Variants in ATP8B4 observed in about 807,000 individuals in gnomAD.
The protein encoded by ATP8B4 is ATPase phospholipid transporting 8B4 (putative), also known as probable phospholipid-transporting ATPase IM.
A neutral mutation model predicts 145.6 loss-of-function variants in ATP8B4; 133 were observed. That is an observed-to-expected ratio of 0.91 (90% CI 0.79 to 1.05). ATP8B4 has a LOEUF of 1.05. Ranked by LOEUF, ATP8B4 falls within the 50% of genes least tolerant of loss-of-function variation. The probability of loss-of-function intolerance (pLI) is 0.00; values close to 1 mark genes in which losing one functional copy is unlikely to be tolerated. For missense variants in ATP8B4, 1,458 were observed against 1,425.2 expected (o/e 1.02, Z -0.37); for synonymous variants, 507 against 492.9 (o/e 1.03, Z -0.38).
At chr15:49,911,734 C>T (rs2039252568) in intron 20 of ATP8B4, among the ~76,000 whole-genome samples, 1 of 152,138 alleles carries the variant, frequency 6.6e-6, no homozygotes, top group African/African-American at 2.4e-5. Context: ...GCAGAATACA[C>T]ATTCTTCTCA....
intron 5 of ATP8B4, 34 bp from the exon 6 acceptor site, chr15:50,038,863 T>A (rs377239655): frequency 1.9e-6 from 3 of 1,582,568 alleles, no homozygotes; most frequent in Non-Finnish European, 2.6e-6. Context: ...GAAAACACAT[T>A]ACAAGGTACT....
chr15:50,142,772 T>C (rs2044229298), intron 1 of ATP8B4, among the ~76,000 whole-genome samples: 1 of 152,156 alleles, frequency 6.6e-6, no homozygotes, highest in African/African-American at 2.4e-5. Context: ...GCATAGATCT[T>C]AACATTCAAT....
chr15:50,101,851 A>G (rs1377508174), intron 2 of ATP8B4, among the ~76,000 whole-genome samples: 1 of 152,190 alleles, frequency 6.6e-6, no homozygotes, highest in Non-Finnish European at 1.5e-5. Flanking sequence ...CCACAAAACA[A>G]GTCTCAACAA....
intron 15 of ATP8B4, among the ~76,000 whole-genome samples, chr15:49,931,896 A>G (rs189087663): frequency 4.8e-4 from 73 of 152,028 alleles, no homozygotes; most frequent in Admixed American, 1.4e-3. Context: ...AAACCAGGAT[A>G]TTAATACTTG....
In ATP8B4 at chr15:50,135,911, G is replaced by A. The variant is rs561736240; in HGVS notation, c.-42-28903C>T. Among the ~76,000 whole-genome samples, 7 of 152,276 alleles carry A rather than the reference G, an allele frequency of 4.6e-5. No individual in the cohort carries two copies. In the South Asian group the frequency reaches 1.2e-3, roughly 27 times the overall value. On this transcript the variant is annotated intron_variant, in intron 1 of 3. Transcript: ENST00000558829. ...ACTCATATCTCCCCAAAATTAAACT[G>A]AACGGTCCTCTGACGTTTAATAATT...
At chr15:49,887,576 CA>C (rs1453090674) in intron 23 of ATP8B4, among the ~76,000 whole-genome samples, 1 of 151,920 alleles carries the variant, frequency 6.6e-6, no homozygotes, top group Non-Finnish European at 1.5e-5. Flanking sequence ...TCCCTATCTC[CA>C]ATACTCTGAA....
At chr15:50,056,774 T>C (rs958597658) in intron 3 of ATP8B4, among the ~76,000 whole-genome samples, 1 of 151,764 alleles carries the variant, frequency 6.6e-6, no homozygotes, top group African/African-American at 2.4e-5. Flanking sequence ...ATATTATCTA[T>C]AGTAAAAACA....
At chr15:50,074,042 G>T (rs2054016944) in intron 3 of ATP8B4, 85 bp downstream of exon 3, 1 of 1,222,354 alleles carries the variant, frequency 8.2e-7, no homozygotes, top group Non-Finnish European at 1.2e-6. Context: ...TTTTGGTGAA[G>T]TCATAAAGTT....
chr15:49,891,139 C>T (rs2036745968), intron 23 of ATP8B4, among the ~76,000 whole-genome samples: 1 of 151,946 alleles, frequency 6.6e-6, no homozygotes, highest in Admixed American at 6.6e-5. Flanking sequence ...AAATCAAGCC[C>T]CAAATCCCTG....
At chr15:50,176,085 G>A (rs2044758954) in intron 1 of ATP8B4, among the ~76,000 whole-genome samples, 1 of 151,076 alleles carries the variant, frequency 6.6e-6, no homozygotes, top group African/African-American at 2.4e-5. Context: ...ATATACCACA[G>A]AGTATATATA....
intron 6 of ATP8B4, among the ~76,000 whole-genome samples, chr15:50,023,779 C>CAAAAAAAAAAAAAAAAAAAAAAAAAAA (rs60030651): frequency 3.6e-4 from 27 of 75,048 alleles, no homozygotes; most frequent in Non-Finnish European, 5.1e-4. Flanking sequence ...AGACCAAAGG[C>CAAAAAAAAAAAAAAAAAAAAAAAAAAA]AAAAAAAAAA....
At chr15:49,893,698 A>G (rs1197346603) in intron 23 of ATP8B4, among the ~76,000 whole-genome samples, 2 of 152,214 alleles carry the variant, frequency 1.3e-5, no homozygotes, top group East Asian at 3.9e-4. Context: ...TTTTGCAGAA[A>G]GAAAAAGTTT....
chr15:49,965,469 C>T (rs567019169), intron 13 of ATP8B4, among the ~76,000 whole-genome samples: 1 of 152,296 alleles, frequency 6.6e-6, no homozygotes, highest in African/African-American at 2.4e-5. Context: ...GAAAGTTCCG[C>T]AGAGCCTCTG....
chr15:50,025,976 T>C (rs2049979070), intron 6 of ATP8B4, among the ~76,000 whole-genome samples: 1 of 152,238 alleles, frequency 6.6e-6, no homozygotes, highest in African/African-American at 2.4e-5. Flanking sequence ...GCCTCATGCT[T>C]TGAATTGTCT....
At chr15:50,033,213 T>C (rs937428101) in intron 6 of ATP8B4, among the ~76,000 whole-genome samples, 1 of 152,196 alleles carries the variant, frequency 6.6e-6, no homozygotes, top group East Asian at 1.9e-4. Flanking sequence ...CTATGAGAGC[T>C]TCAGAGATTT....
At chr15:50,165,507 T>C (rs1210613541) in intron 1 of ATP8B4, among the ~76,000 whole-genome samples, 1 of 152,214 alleles carries the variant, frequency 6.6e-6, no homozygotes, top group Admixed American at 6.5e-5. Flanking sequence ...TGGAGGCTTC[T>C]CTTTGGTCAT....
intron 1 of ATP8B4, among the ~76,000 whole-genome samples, chr15:50,153,089 C>T (rs915480586): frequency 6.6e-6 from 1 of 152,154 alleles, no homozygotes; most frequent in Non-Finnish European, 1.5e-5. Flanking sequence ...GAGCAGAGGA[C>T]TGCATGGCTC....
At chr15:49,881,841 T>C (rs1347518325) in intron 23 of ATP8B4, among the ~76,000 whole-genome samples, 1 of 152,200 alleles carries the variant, frequency 6.6e-6, no homozygotes, top group Non-Finnish European at 1.5e-5. Flanking sequence ...AACAAATGCA[T>C]CTTCATCAAA....
In ATP8B4 at chr15:49,981,234, T is replaced by G; in HGVS notation, c.809A>C (p.Asp270Ala). The G allele has an allele frequency of 6.2e-7, 1 of 1,609,984 alleles. No homozygotes were observed. Among genetic ancestry groups the G allele is most frequent in the Non-Finnish European group, 8.5e-7 (1 of 1,177,916 alleles). ...GKTKFKRTSI[D>A]RLMNTLVLWI... ...TAGTACTAGAGTATTCATCAATCTA[T>G]CAATGCTTGTCCTTTTAAACTTTGT... The change falls in exon 11 of 28, where the codon GAT becomes GCT. Residue 270 changes from aspartate (D) to alanine (A), a missense_variant. Coordinates refer to ENST00000284509, the MANE Select transcript of ATP8B4 (RefSeq NM_024837.4).
Sources: allele counts gnomAD v4.1 joint callset (sites outside exome capture counted in the v4.1 genomes callset), GRCh38; gene constraint gnomAD v4.1.1; transcripts MANE v1.5; gene names NCBI Gene and HGNC (gene_info 2026-07-23, HGNC 2026-07-21).